The following PDE4D variants were observed in gnomAD, a reference collection of about 807,000 sequenced individuals.
PDE4D encodes the protein 3',5'-cyclic-AMP phosphodiesterase 4D.
PDE4D carries 24 observed loss-of-function variants against 87.4 expected under a neutral mutation model. The observed-to-expected ratio is 0.27, with a 90% CI of 0.20 to 0.39. PDE4D has a LOEUF of 0.39. Among genes scored for constraint, PDE4D ranks in the 10% least tolerant of loss-of-function variants. The pLI is 1.00. For synonymous variants in PDE4D, 384 were observed against 383.2 expected (o/e 1.00, Z -0.02); for missense variants, 714 against 1,041.0 (o/e 0.69, Z 4.32).
chr5:58,987,170 C>T (rs191378944), intron 11 of PDE4D, among the ~76,000 whole-genome samples: 1 of 152,108 alleles, frequency 6.6e-6, no homozygotes, highest in East Asian at 1.9e-4. Flanking sequence ...CCCACTGATA[C>T]CTCCCCACTG....
At chr5:59,068,612 C>T (rs969221034) in intron 5 of PDE4D, among the ~76,000 whole-genome samples, 1 of 152,082 alleles carries the variant, frequency 6.6e-6, no homozygotes, top group African/African-American at 2.4e-5. Context: ...CCAAAAAAGA[C>T]AATTTATTTC....
chr5:59,793,625 C>A (rs1463865024), intron 1 of PDE4D, among the ~76,000 whole-genome samples: 4 of 152,034 alleles, frequency 2.6e-5, no homozygotes, highest in African/African-American at 9.7e-5. Flanking sequence ...AATGGTTCAA[C>A]CAAAAAGAAA....
At chr5:59,228,688 C>A (rs147036669) in intron 1 of PDE4D, among the ~76,000 whole-genome samples, 6 of 152,272 alleles carry the variant, frequency 3.9e-5, no homozygotes, top group South Asian at 2.1e-4. Context: ...TACTCATTAT[C>A]CCATAATGGT....
chr5:59,623,655 T>C (rs1055440783), intron 1 of PDE4D, among the ~76,000 whole-genome samples: 1 of 152,194 alleles, frequency 6.6e-6, no homozygotes, highest in Non-Finnish European at 1.5e-5. Flanking sequence ...TTCCTGACCT[T>C]TTATAAACCT....
rs57155625 is a variant in PDE4D at position 60,105,292 on chromosome 5, C to T, written c.42+80265G>A. Among the ~76,000 whole-genome samples the T allele has an allele frequency of 7.0e-3, 1,068 of 151,904 alleles. 18 individuals carry two copies. Among genetic ancestry groups the T allele is most frequent in the East Asian group, 0.048 (246 of 5,174 alleles). On this transcript the variant is annotated intron_variant, in intron 2 of 16. Transcript: ENST00000502484. ...GGAAGATGAAATGAATGAAATGAAGCGAGAAGGGAAGTTTAGAGAAAAAAG... is the reference window on the plus strand; with the variant it reads ...GGAAGATGAAATGAATGAAATGAAGTGAGAAGGGAAGTTTAGAGAAAAAAG...
Position 58,975,516 on chromosome 5 carries a change from A to AAATACTAAGGTGAAATTG in PDE4D, c.2013+123_2013+140dup. The AAATACTAAGGTGAAATTG allele has an allele frequency of 1.8e-6, 1 of 570,124 alleles. No individual in the cohort carries two copies. The highest frequency in any genetic ancestry group is 2.9e-6 in the Non-Finnish European group (1 of 350,514). 35.3% of individuals were successfully genotyped at this position (570,124 alleles called of 1,614,324 possible). On this transcript the variant is annotated intron_variant, in intron 14 of 14. Transcript: ENST00000340635. This position sits in a 1 kb window ranked among gnomAD's most constrained non-coding sequence, Gnocchi z 4.2. ...TAAGAATGAAAGTTCTTTGGATCATAAATACTAAGGTGAAATTGAGCTTGT... is the reference window on the plus strand; with the variant it reads ...TAAGAATGAAAGTTCTTTGGATCATAAATACTAAGGTGAAATTGAATACTAAGGTGAAATTGAGCTTGT...
chr5:59,287,249 T>G (rs1290285442), intron 1 of PDE4D, among the ~76,000 whole-genome samples: 1 of 152,074 alleles, frequency 6.6e-6, no homozygotes, highest in Non-Finnish European at 1.5e-5. Context: ...CCCTGGGCCT[T>G]GAATGAACAT....
intron 1 of PDE4D, among the ~76,000 whole-genome samples, chr5:59,842,078 T>C (rs775138751): frequency 2.0e-5 from 3 of 152,006 alleles, no homozygotes; most frequent in African/African-American, 7.2e-5. Flanking sequence ...ACTGATCAGA[T>C]TGGCATTTCA....
At chr5:59,841,042 C>T (rs1329370045) in intron 1 of PDE4D, among the ~76,000 whole-genome samples, 2 of 152,034 alleles carry the variant, frequency 1.3e-5, no homozygotes, top group Non-Finnish European at 2.9e-5. Flanking sequence ...AAATTATTGT[C>T]TCTTACTCAT....
intron 1 of PDE4D, among the ~76,000 whole-genome samples, chr5:59,863,019 G>T (rs190736067): frequency 6.6e-6 from 1 of 152,288 alleles, no homozygotes; most frequent in Non-Finnish European, 1.5e-5. Flanking sequence ...GGAGGAAGAA[G>T]GTAAACTCTT....
chr5:58,980,803 T>A (rs961969226), intron 11 of PDE4D, among the ~76,000 whole-genome samples: 10 of 152,164 alleles, frequency 6.6e-5, no homozygotes, highest in Non-Finnish European at 1.5e-4. Flanking sequence ...GACATATGTA[T>A]GAGTGTGTGT....
intron 1 of PDE4D, among the ~76,000 whole-genome samples, chr5:60,262,238 C>T (rs2149706028): frequency 6.6e-6 from 1 of 152,260 alleles, no homozygotes; most frequent in Non-Finnish European, 1.5e-5. Flanking sequence ...GTCCCTCAAA[C>T]ACTGGAAAGA....
At chr5:59,141,793 T>G (rs543156550) in intron 5 of PDE4D, among the ~76,000 whole-genome samples, 3 of 152,336 alleles carry the variant, frequency 2.0e-5, no homozygotes, top group East Asian at 3.9e-4. Flanking sequence ...CCATTCATCT[T>G]GGAATTTTCC....
intron 1 of PDE4D, among the ~76,000 whole-genome samples, chr5:59,774,224 C>T (rs1393438376): frequency 6.6e-6 from 1 of 151,976 alleles, no homozygotes; most frequent in Non-Finnish European, 1.5e-5. Context: ...CTATAATTTG[C>T]AAGAGGAGGA....
intron 11 of PDE4D, 56 bp downstream of exon 11, chr5:58,988,437 G>A (rs1468216644): frequency 7.7e-6 from 5 of 651,576 alleles, no homozygotes; most frequent in Non-Finnish European, 1.2e-5. Flanking sequence ...AAGACCCTTA[G>A]TCATTCTAAA....
At chr5:59,266,235 C>T (rs1356151724) in intron 1 of PDE4D, among the ~76,000 whole-genome samples, 4 of 150,688 alleles carry the variant, frequency 2.7e-5, no homozygotes, top group African/African-American at 9.8e-5. Context: ...GCCACTGTAC[C>T]TCAGCCTGGG....
intron 1 of PDE4D, among the ~76,000 whole-genome samples, chr5:59,820,908 T>C (rs1769569174): frequency 6.6e-6 from 1 of 152,180 alleles, no homozygotes; most frequent in South Asian, 2.1e-4. Flanking sequence ...CATTCCCTTG[T>C]ATTGAATCTA....
intron 1 of PDE4D, among the ~76,000 whole-genome samples, chr5:59,474,495 A>G (rs1223590410): frequency 6.6e-6 from 1 of 152,062 alleles, no homozygotes; most frequent in Non-Finnish European, 1.5e-5. Context: ...ATATACTTTG[A>G]CCAATTATTT....
rs568068855 is a variant in PDE4D, at chr5:60,076,072, G to GAA, written c.43-87357_43-87356dup. Among the ~76,000 whole-genome samples the GAA allele has an allele frequency of 6.1e-4, 93 of 152,218 alleles. 1 individual carries two copies. The South Asian group carries it at 0.019, about 31-fold the overall frequency. On this transcript the variant is annotated intron_variant, in intron 2 of 16. Transcript: ENST00000502484. ...GGAGAACTAGTATGATCATTTGGAG[G>GAA]AAAGAAGACACTCAGGCTTTTTGAG...
Sources: gnomAD v4.1 joint callset for allele counts (sites outside exome capture counted in the v4.1 genomes callset) on GRCh38, gnomAD v4.1.1 for gene constraint, Gnocchi (gnomAD v3.1) non-coding constraint, MANE v1.5 for transcripts, NCBI Gene and HGNC (gene_info 2026-07-23, HGNC 2026-07-21) for gene names.